LZTFL1: variants seen among roughly 807,000 people sequenced by gnomAD.
LZTFL1 encodes the protein leucine zipper transcription factor like 1, also known as leucine zipper transcription factor-like protein 1.
LZTFL1 carries 25 observed loss-of-function variants against 45.9 expected under a neutral mutation model. The observed-to-expected ratio is 0.54, with a 90% CI of 0.40 to 0.76. LZTFL1 has a LOEUF of 0.76. Ranked by LOEUF, LZTFL1 falls within the 30% of genes least tolerant of loss-of-function variation. The pLI, the probability that LZTFL1 is intolerant of heterozygous loss-of-function variation, is 0.00. For synonymous variants in LZTFL1, 93 were observed against 117.4 expected, an observed-to-expected ratio of 0.79 and a Z score of 1.35; for missense variants, 277 against 331.1, an observed-to-expected ratio of 0.84 and a Z score of 1.27.
chr3:45,843,509 C>T (rs184682915), upstream of LZTFL1, among the ~76,000 whole-genome samples: 1 of 152,122 alleles, frequency 6.6e-6, no homozygotes, highest in African/African-American at 2.4e-5. Flanking sequence ...CTGAAAAGCT[C>T]GTTTATTTTC....
chr3:45,889,956 G>A (rs141082608), intron 2 of LZTFL1, among the ~76,000 whole-genome samples: 17 of 151,376 alleles, frequency 1.1e-4, no homozygotes, highest in Admixed American at 6.6e-4. Flanking sequence ...AAGCAGATGC[G>A]CTGCAGAGTC....
intron 7 of LZTFL1, among the ~76,000 whole-genome samples, chr3:45,830,590 A>G (rs1205055111): frequency 2.0e-5 from 3 of 152,258 alleles, no homozygotes; most frequent in Non-Finnish European, 4.4e-5. Flanking sequence ...AAACTTAAAA[A>G]AAAAAAGTGA....
intron 5 of LZTFL1, 129 bp downstream of exon 5, chr3:45,832,921 A>G: frequency 3.0e-6 from 2 of 666,846 alleles, no homozygotes; most frequent in South Asian, 1.9e-5. Context: ...GGTACCATCA[A>G]GTAAAACTAC....
At chr3:45,870,095 C>A (rs1347872398) in intron 2 of LZTFL1, among the ~76,000 whole-genome samples, 1 of 152,218 alleles carries the variant, frequency 6.6e-6, no homozygotes, top group African/African-American at 2.4e-5. Context: ...GAGCAGCAAC[C>A]TTCCAGGCAA....
At chr3:45,906,500 G>A (rs1702680762) in intron 2 of LZTFL1, among the ~76,000 whole-genome samples, 1 of 150,888 alleles carries the variant, frequency 6.6e-6, no homozygotes, top group South Asian at 2.1e-4. Context: ...TTGTGCTGAG[G>A]ACCAGGGACT....
At chr3:45,891,901 A>C (rs1435723649) in intron 2 of LZTFL1, among the ~76,000 whole-genome samples, 1 of 152,016 alleles carries the variant, frequency 6.6e-6, no homozygotes, top group Admixed American at 6.5e-5. Flanking sequence ...CCTTTTTTCC[A>C]GGAATAAAGA....
At chr3:45,841,422 AGCTGTAATACGG>A (rs1475301604) in intron 1 of LZTFL1, among the ~76,000 whole-genome samples, 4 of 152,232 alleles carry the variant, frequency 2.6e-5, no homozygotes, top group Admixed American at 6.5e-5. Context: ...CAAATTCCTC[AGCTGTAATACGG>A]GGTGCTGGGA....
chr3:45,849,356 C>A (rs750983976), intron 4 of LZTFL1, among the ~76,000 whole-genome samples: 5 of 152,162 alleles, frequency 3.3e-5, no homozygotes, highest in African/African-American at 4.8e-5. Flanking sequence ...CATGTGGACT[C>A]CTTACAAACG....
intron 2 of LZTFL1, among the ~76,000 whole-genome samples, chr3:45,909,763 CA>C (rs1309562367): frequency 6.6e-6 from 1 of 152,222 alleles, no homozygotes; most frequent in African/African-American, 2.4e-5. Context: ...GGCACTTTCT[CA>C]GGGGGGTAAT....
At chr3:45,890,329 A>G (rs1702129043) in intron 2 of LZTFL1, among the ~76,000 whole-genome samples, 2 of 73,156 alleles carry the variant, frequency 2.7e-5, no homozygotes, top group African/African-American at 1.3e-4. Flanking sequence ...ATATAAATAT[A>G]TATATAACAT....
chr3:45,852,130 C>T (rs2125702611), intron 4 of LZTFL1, among the ~76,000 whole-genome samples: 1 of 152,254 alleles, frequency 6.6e-6, no homozygotes, highest in Non-Finnish European at 1.5e-5. Flanking sequence ...AAAGAAAGTA[C>T]CTTTATCTAT....
chr3:45,841,487 C>T (rs763190666), intron 1 of LZTFL1, among the ~76,000 whole-genome samples: 1 of 152,226 alleles, frequency 6.6e-6, no homozygotes, highest in Non-Finnish European at 1.5e-5. Context: ...ATTTCAATCA[C>T]ACAGAAAGCT....
At chr3:45,828,753 AG>A in intron 7 of LZTFL1, 138 bp from the exon 8 acceptor site, 1 of 738,388 alleles carries the variant, frequency 1.4e-6, no homozygotes, top group East Asian at 2.7e-5. Context: ...TTGCCAGCCT[AG>A]GTAAGTGCCA....
intron 1 of LZTFL1, among the ~76,000 whole-genome samples, chr3:45,841,496 C>T (rs536856252): frequency 6.6e-6 from 1 of 152,348 alleles, no homozygotes; most frequent in South Asian, 2.1e-4. Context: ...ACACAGAAAG[C>T]TGGATTCGTT....
At position 45,842,091 on chromosome 3, in the gene LZTFL1, G is replaced by T; in HGVS notation, c.-100C>A. The T allele has an allele frequency of 6.4e-7, 1 of 1,569,086 alleles. No individual in the cohort carries two copies. The highest frequency in any genetic ancestry group is 8.6e-7 in the Non-Finnish European group (1 of 1,160,432). Reference sequence around the variant, plus strand: ...GGGTAGTTGGACCACAGAAAATGGGGAAGGAGGGTAGGTTGTTTAGAAGCC... The same window carrying T: ...GGGTAGTTGGACCACAGAAAATGGGTAAGGAGGGTAGGTTGTTTAGAAGCC... On this transcript the variant is annotated 5_prime_UTR_variant, in exon 1 of 10. Coordinates refer to ENST00000296135, the MANE Select transcript of LZTFL1 (RefSeq NM_020347.4).
intron 2 of LZTFL1, among the ~76,000 whole-genome samples, chr3:45,894,715 T>A (rs965429058): frequency 1.3e-5 from 2 of 151,834 alleles, no homozygotes; most frequent in African/African-American, 2.4e-5. Flanking sequence ...AAAGGAGAGG[T>A]TCATTCATTT....
rs770003172 is a variant in LZTFL1, at chr3:45,901,409, C to T, written c.-215+11711G>A. On this transcript the variant is annotated intron_variant, in intron 2 of 4. Coordinates refer to the LZTFL1 transcript ENST00000472635. The surrounding 1 kb of genome is among the most constrained non-coding windows in gnomAD (Gnocchi z 4.3). Reference sequence around the variant, plus strand: ...CCATGGTTTACCCTAGCGATGAGAGCACCAAACTGAAGTCAGCTGTCTTGA... The same window carrying T: ...CCATGGTTTACCCTAGCGATGAGAGTACCAAACTGAAGTCAGCTGTCTTGA... 6.2e-6 allele frequency: 10 copies of T among 1,614,086 alleles called. No individual in the cohort carries two copies. The highest frequency in any genetic ancestry group is 3.4e-6 in the Non-Finnish European group (4 of 1,180,042).
chr3:45,896,001 A>G (rs1364678309), intron 2 of LZTFL1, among the ~76,000 whole-genome samples: 1 of 152,240 alleles, frequency 6.6e-6, no homozygotes, highest in Non-Finnish European at 1.5e-5. Flanking sequence ...TGGTTGAAAC[A>G]GTTTATCAAC....
chr3:45,876,248 G>C (rs1701747554), intron 2 of LZTFL1, among the ~76,000 whole-genome samples: 1 of 152,186 alleles, frequency 6.6e-6, no homozygotes, highest in Non-Finnish European at 1.5e-5. Context: ...GTTGTTTGAA[G>C]GAGGAACCCA....
Sources: allele counts gnomAD v4.1 joint callset (sites outside exome capture counted in the v4.1 genomes callset), GRCh38; gene constraint gnomAD v4.1.1; non-coding constraint Gnocchi (gnomAD v3.1); transcripts MANE v1.5; gene names NCBI Gene and HGNC (gene_info 2026-07-23, HGNC 2026-07-21).